Variants in CHD4 observed in about 807,000 individuals in gnomAD.
CHD4 encodes ATP-dependent chromatin remodeler CHD4.
A neutral mutation model predicts 235.5 loss-of-function variants in CHD4; 35 were observed. The ratio of observed to expected loss-of-function variants is 0.15; its 90% CI spans 0.11 to 0.20. The LOEUF is 0.20. CHD4 is among the 10% of genes least tolerant of loss of function. CHD4 has a pLI of 1.00. For synonymous variants in CHD4, 900 were observed against 850.2 expected, an observed-to-expected ratio of 1.06 and a Z score of -1.02; for missense variants, 1,329 against 2,432.3, an observed-to-expected ratio of 0.55 and a Z score of 9.54.
At chr12:6,574,038 T>G (rs1489400662) in intron 37 of CHD4, among the ~76,000 whole-genome samples, 120 of 152,188 alleles carry the variant, frequency 7.9e-4, no homozygotes, top group Admixed American at 7.9e-3. Flanking sequence ...AAGGGGTTAT[T>G]TTGCTATTTA....
intron 25 of CHD4, 199 bp from the exon 26 acceptor site, chr12:6,583,577 G>A: frequency 1.9e-6 from 1 of 520,802 alleles, no homozygotes; most frequent in Non-Finnish European, 3.4e-6. Flanking sequence ...TAGATTAGCA[G>A]TCAGCATAAC....
intron 14 of CHD4, 48 bp from the exon 15 acceptor site, chr12:6,594,698 C>T: frequency 1.3e-6 from 2 of 1,546,894 alleles, no homozygotes; most frequent in Non-Finnish European, 1.8e-6. Context: ...AACTCCCCTC[C>T]TCCCCTAATA....
chr12:6,596,104 G>A lies in CHD4; in HGVS notation c.1926C>T (p.Ile642=). 6.2e-7 allele frequency: 1 copy of A among 1,614,006 alleles called. No homozygotes were observed. Among genetic ancestry groups the A allele is most frequent in the Non-Finnish European group, 8.5e-7 (1 of 1,179,972 alleles). The part of the protein sequence containing the change: ...VDKKGHVHYL[I]KWRDLPYDQA... ...GATCGTAAGGTAAGTCCCGCCACTT[G>A]ATCAAGTAGTGGACGTGGCCCTTCT... Residue 642 remains isoleucine (I), a synonymous_variant, in exon 13 of 40, where the codon ATC becomes ATT. Transcript: ENST00000544040.
At chr12:6,571,139 T>G (rs1947961188) in intron 38 of CHD4, 107 bp from the exon 39 acceptor site, 1 of 1,306,570 alleles carries the variant, frequency 7.7e-7, no homozygotes, top group African/African-American at 1.5e-5. Context: ...GTAACTGTGA[T>G]GTATTGTCTT....
Position 6,594,586 on chromosome 12 carries a change from T to C in CHD4, c.2186A>G (p.Tyr729Cys). 6.2e-7 allele frequency: 1 copy of C among 1,614,166 alleles called. No homozygotes were observed. Among genetic ancestry groups the C allele is most frequent in the Non-Finnish European group, 8.5e-7 (1 of 1,180,024 alleles). The change falls in exon 15 of 40, where the codon TAT becomes TGT. Residue 729 changes from tyrosine (Y) to cysteine (C), a missense_variant. Physicochemically the swap from Tyr to Cys is radical, Grantham distance 194 (BLOSUM62 -2). This residue lies in a region of CHD4 where 6 missense variants were observed against 52.6 expected (regional missense o/e 0.11). Coordinates refer to ENST00000544040, the MANE Select transcript of CHD4 (RefSeq NM_001273.5). Reference sequence around the variant, plus strand: ...CAACCAATTCAGGCCCTCCATTTGATAGGGGTGCAGGGTTCCACCTGTAGC... The same window carrying C: ...CAACCAATTCAGGCCCTCCATTTGACAGGGGTGCAGGGTTCCACCTGTAGC... ...LDATGGTLHP[Y>C]QMEGLNWLRF...
intron 25 of CHD4, among the ~76,000 whole-genome samples, chr12:6,586,054 C>T (rs1192120432): frequency 6.6e-6 from 1 of 151,344 alleles, no homozygotes; most frequent in African/African-American, 2.4e-5. Flanking sequence ...AGGCTGTGAT[C>T]GCACCACTGA....
chr12:6,587,164 T>C (rs1948313435), intron 25 of CHD4: 8 of 550,518 alleles, frequency 1.5e-5, no homozygotes. Flanking sequence ...AAATAACTGT[T>C]GTGAGCATGA....
At chr12:6,592,137 T>G in intron 19 of CHD4, 80 bp from the exon 20 acceptor site, 1 of 1,552,444 alleles carries the variant, frequency 6.4e-7, no homozygotes, top group Non-Finnish European at 8.8e-7. Flanking sequence ...AACTGAGATC[T>G]TTCTTCCAAC....
At chr12:6,572,697 A>G (rs74935314) in intron 38 of CHD4, among the ~76,000 whole-genome samples, 4,688 of 152,222 alleles carry the variant, frequency 0.031, 267 homozygotes, top group East Asian at 0.26. Flanking sequence ...AGCTAGGATT[A>G]TAAGCGTGCG....
rs920912339 is a variant in CHD4 at position 6,605,743 on chromosome 12, G to A, written c.100+531C>T. Among the ~76,000 whole-genome samples the A allele has an allele frequency of 2.6e-5, 4 of 152,130 alleles. No homozygotes were observed. The East Asian group carries it at 5.8e-4, about 22-fold the overall frequency. On this transcript the variant is annotated intron_variant, in intron 2 of 39. Coordinates refer to ENST00000544040, the MANE Select transcript of CHD4 (RefSeq NM_001273.5). ...TGCTTTAAGCACTCCAGATCCTGCT[G>A]AGGAGCGCGATTCAAACTTCACACA...
chr12:6,571,136 T>C lies in CHD4; in HGVS notation c.5558-104A>G, dbSNP rs977850505. On this transcript the variant is annotated intron_variant, in intron 38 of 39. Transcript: ENST00000544040. ...TCACTTCTCAGTGACCAAGTAACTG[T>C]GATGTATTGTCTTCTGTCATCTGAC... The C allele has an allele frequency of 6.8e-6, 9 of 1,324,876 alleles. No individual in the cohort carries two copies. In the African/African-American group the frequency reaches 1.0e-4, roughly 15 times the overall value. The allele number at this position is 1,324,876 out of a possible 1,614,324, so 82.1% of individuals were successfully genotyped here.
chr12:6,578,666 C>A, intron 34 of CHD4, 120 bp from the exon 35 acceptor site: 1 of 1,482,694 alleles, frequency 6.7e-7, no homozygotes, highest in Non-Finnish European at 9.3e-7. Context: ...ACCTGGGTGT[C>A]TCTCAGACCC....
rs1422112976 is a variant in CHD4, at chr12:6,581,655, G to A, written c.4675C>T (p.Pro1559Ser). 4 of 1,613,712 alleles carry A rather than the reference G, an allele frequency of 2.5e-6. No individual in the cohort carries two copies. The highest frequency in any genetic ancestry group is 3.4e-6 in the Non-Finnish European group (4 of 1,179,694). The change falls in exon 31 of 40, where the codon CCT becomes TCT. Residue 1559 changes from proline (P) to serine (S), a missense_variant. Coordinates refer to ENST00000544040, the MANE Select transcript of CHD4 (RefSeq NM_001273.5). ...ATAGGACAGGCAGACTTACCAGCAG[G>A]TGGGACAGGTGCAGGAGTGTTGGGC... ...TQPNTPAPVPPAEDGIKIEEN... is the reference protein window; with the variant it reads ...TQPNTPAPVPSAEDGIKIEEN...
Position 6,578,864 on chromosome 12 carries a change from T to C in CHD4, c.4963A>G (p.Ile1655Val), listed in dbSNP as rs16932768. ...CACCCACCTTTGTCTTCTACCACAATAGGGGTCAGATCTATTGCTGACTTT... is the reference window on the plus strand; with the variant it reads ...CACCCACCTTTGTCTTCTACCACAACAGGGGTCAGATCTATTGCTGACTTT... ...EEKSAIDLTP[I>V]VVEDKEEKKE... is the part of the protein sequence containing the mutation. The change falls in exon 34 of 40, where the codon ATT becomes GTT. Residue 1655 changes from isoleucine to valine, a missense_variant. By Grantham distance (29) the Ile-to-Val change is conservative. Around this residue, in one of 26 missense-constraint regions of CHD4, gnomAD observed 219 missense variants for 219.3 expected, o/e 1.00. Transcript: ENST00000544040. 12 of 1,614,052 alleles carry C rather than the reference T, an allele frequency of 7.4e-6. No individual in the cohort carries two copies. The highest frequency in any genetic ancestry group is 1.3e-5 in the African/African-American group (1 of 74,930).
intron 31 of CHD4, 35 bp from the exon 32 acceptor site, chr12:6,581,423 A>C: frequency 2.5e-6 from 4 of 1,596,138 alleles, no homozygotes; most frequent in Non-Finnish European, 3.4e-6. Context: ...ATTAGGAAGA[A>C]GGTACTAGAT....
intron 33 of CHD4, 179 bp downstream of exon 33, chr12:6,580,865 G>A: frequency 1.5e-6 from 1 of 655,170 alleles, no homozygotes; most frequent in Non-Finnish European, 2.6e-6. Context: ...AAATTAGCTG[G>A]GCATGATGGC....
Position 6,594,507 on chromosome 12 carries a change from A to C in CHD4, c.2265T>G (p.Leu755=). Residue 755 remains leucine, a synonymous_variant, in exon 15 of 40, where the codon CTT becomes CTG. Coordinates refer to ENST00000544040, the MANE Select transcript of CHD4 (RefSeq NM_001273.5). ...AGACTGCTGTCTGTACAGTTTTCCC[A>C]AGGCCCATCTCATCAGCCAAGATGG... ...TDTILADEMG[L]GKTVQTAVFL... The C allele has an allele frequency of 6.2e-7, 1 of 1,614,056 alleles. No homozygotes were observed.
chr12:6,587,071 A>G lies in CHD4; in HGVS notation c.3879+313T>C, dbSNP rs1354028827. The stretch of plus-strand genomic sequence containing the variant: ...ACCTAGGATCTTCTGCCTTTTCTCT[A>G]GAGAGATGAGGTAGCATTCAAAATT... On this transcript the variant is annotated intron_variant, in intron 25 of 39. Transcript: ENST00000544040. The G allele has an allele frequency of 1.7e-5, 5 of 295,320 alleles. No individual in the cohort carries two copies. In the Admixed American group the frequency reaches 2.4e-4, roughly 14 times the overall value. 18.3% of individuals were successfully genotyped at this position (295,320 alleles called of 1,614,324 possible).
At position 6,595,280 on chromosome 12, in the gene CHD4, G is replaced by A. The variant is rs1948467677; in HGVS notation, c.2121+54C>T. 7 of 1,421,508 alleles carry A rather than the reference G, an allele frequency of 4.9e-6. No individual in the cohort carries two copies. In the South Asian group the frequency reaches 7.0e-5, roughly 14 times the overall value. 88.1% of individuals were successfully genotyped at this position (1,421,508 alleles called of 1,614,324 possible). A position where few individuals can be genotyped will look rare whatever the true frequency, so the allele number is the denominator to read the frequency against. On this transcript the variant is annotated intron_variant, in intron 14 of 39. Coordinates refer to ENST00000544040, the MANE Select transcript of CHD4 (RefSeq NM_001273.5). Reference sequence around the variant, plus strand: ...TTAAGAGTACCATCATTAGACTGCAGCAAAGATACATTGTCCTACCCAACA... The same window carrying A: ...TTAAGAGTACCATCATTAGACTGCAACAAAGATACATTGTCCTACCCAACA...
Sources: gnomAD v4.1 joint callset for allele counts (sites outside exome capture counted in the v4.1 genomes callset) on GRCh38, gnomAD v4.1.1 for gene constraint, gnomAD v4.1.1 regional missense constraint, MANE v1.5 for transcripts, NCBI Gene and HGNC (gene_info 2026-07-23, HGNC 2026-07-21) for gene names.